Variants in TMTC3 observed in about 807,000 individuals in gnomAD.
The protein encoded by TMTC3 is protein O-mannosyl-transferase TMTC3.
In TMTC3, 52 loss-of-function variants were observed where a neutral mutation model predicts 92.2. The ratio of observed to expected loss-of-function variants is 0.56; its 90% CI spans 0.45 to 0.71. The LOEUF (loss-of-function observed/expected upper bound fraction) is 0.71. Ranked by LOEUF, TMTC3 falls within the 30% of genes least tolerant of loss-of-function variation. The probability of loss-of-function intolerance (pLI) is 0.00; values close to 1 mark genes in which losing one functional copy is unlikely to be tolerated. For synonymous variants in TMTC3, 339 were observed against 363.3 expected, an observed-to-expected ratio of 0.93 and a Z score of 0.76; for missense variants, 896 against 1,057.1, an observed-to-expected ratio of 0.85 and a Z score of 2.11.
At chr12:88,161,519 T>C (rs1447772510) in intron 6 of TMTC3, among the ~76,000 whole-genome samples, 1 of 152,120 alleles carries the variant, frequency 6.6e-6, no homozygotes, top group African/African-American at 2.4e-5. Flanking sequence ...ATCTGACTTT[T>C]AGATGGGATA....
chr12:88,185,044 T>G (rs1008522726), intron 10 of TMTC3, among the ~76,000 whole-genome samples: 17 of 152,276 alleles, frequency 1.1e-4, no homozygotes, highest in African/African-American at 4.1e-4. Flanking sequence ...AAGACATGAT[T>G]GAGTTGTAAT....
chr12:88,192,860 AT>A, intron 13 of TMTC3, 30 bp downstream of exon 13: 1 of 1,560,366 alleles, frequency 6.4e-7, no homozygotes, highest in Non-Finnish European at 8.7e-7. Context: ...TTCTGTTTAT[AT>A]AAATTGTAGT....
At chr12:88,145,630 G>C (rs2040863421) in intron 1 of TMTC3, among the ~76,000 whole-genome samples, 1 of 152,012 alleles carries the variant, frequency 6.6e-6, no homozygotes. Context: ...AAAATCCATT[G>C]GAAGAGAAAA....
Position 88,197,259 on chromosome 12 carries a change from A to ATTTTTTTTTTTTTTTTTTTTTTTTTTTTT in TMTC3, c.*1635_*1636insTTTTTTTTTTTTTTTTTTTTTTTTTTTTT, listed in dbSNP as rs60468231. On this transcript the variant is annotated 3_prime_UTR_variant, in exon 14 of 14. Coordinates refer to ENST00000266712, the MANE Select transcript of TMTC3 (RefSeq NM_181783.4). ...TAGGTTCCCTAAGGATCTGCCATAGATTTTTTTTTTTTTTTTTTTTTTTTT... is the reference window on the plus strand; with the variant it reads ...TAGGTTCCCTAAGGATCTGCCATAGATTTTTTTTTTTTTTTTTTTTTTTTTTTTTTTTTTTTTTTTTTTTTTTTTTTTTT... 1 of 110,576 alleles carries ATTTTTTTTTTTTTTTTTTTTTTTTTTTTT rather than the reference A, an allele frequency of 9.0e-6. No individual in the cohort carries two copies. The highest frequency in any genetic ancestry group is 3.7e-5 in the African/African-American group (1 of 26,886). The allele number at this position is 110,576 out of a possible 1,614,324, so 6.8% of individuals were successfully genotyped here. A position where few individuals can be genotyped will look rare whatever the true frequency, so the allele number is the denominator to read the frequency against.
At chr12:88,185,328 T>C (rs533472207) in intron 10 of TMTC3, among the ~76,000 whole-genome samples, 17 of 152,210 alleles carry the variant, frequency 1.1e-4, no homozygotes, top group African/African-American at 3.9e-4. Context: ...AATTATACTC[T>C]ATGGACTCTC....
chr12:88,172,992 G>C, intron 8 of TMTC3: 1 of 1,401,904 alleles, frequency 7.1e-7, no homozygotes, highest in Non-Finnish European at 9.4e-7. Context: ...CTTTGAGTCA[G>C]ATCCAAATGA....
chr12:88,160,941 G>GT lies in TMTC3; in HGVS notation c.797+96dup, dbSNP rs974868536. The GT allele has an allele frequency of 9.9e-6, 13 of 1,314,890 alleles. No homozygotes were observed. The South Asian group carries it at 1.7e-4, about 17-fold the overall frequency. The allele number at this position is 1,314,890 out of a possible 1,614,324, so 81.5% of individuals were successfully genotyped here. A position where few individuals can be genotyped will look rare whatever the true frequency, so the allele number is the denominator to read the frequency against. ...AATGTTGAAGAAAGTATTTTATTTT[G>GT]TTTTTTAACAGTTTTATTAAGCTAT... On this transcript the variant is annotated intron_variant, in intron 6 of 13. Coordinates refer to ENST00000266712, the MANE Select transcript of TMTC3 (RefSeq NM_181783.4).
intron 13 of TMTC3, among the ~76,000 whole-genome samples, chr12:88,194,231 A>T (rs1565960906): frequency 6.6e-6 from 1 of 152,272 alleles, no homozygotes; most frequent in East Asian, 1.9e-4. Flanking sequence ...CAAAAAAAAG[A>T]AGATACATGT....
intron 7 of TMTC3, among the ~76,000 whole-genome samples, chr12:88,172,196 A>G (rs370019857): frequency 2.0e-5 from 3 of 152,220 alleles, no homozygotes; most frequent in East Asian, 3.9e-4. Context: ...ATGCAAGCAT[A>G]TTCTTTACAG....
In TMTC3 at chr12:88,195,564, C is replaced by G. The variant is rs374068353; in HGVS notation, c.2660C>G (p.Thr887Arg). Residue 887 changes from threonine (T) to arginine (R), a missense_variant, in exon 14 of 14, where the codon ACA (threonine) becomes AGA (arginine). Transcript: ENST00000266712. ...NGDEETPHKT[T>R]KDIKEIEKKR... ...GACGAAGAGACACCCCACAAAACAA[C>G]AAAAGACATCAAAGAAATTGAGAAG... The G allele has an allele frequency of 1.2e-6, 2 of 1,611,764 alleles. No homozygotes were observed. Among genetic ancestry groups the G allele is most frequent in the Non-Finnish European group, 1.7e-6 (2 of 1,179,390 alleles).
intron 4 of TMTC3, among the ~76,000 whole-genome samples, chr12:88,157,088 A>G (rs1381928343): frequency 6.6e-6 from 1 of 151,892 alleles, no homozygotes; most frequent in African/African-American, 2.4e-5. Context: ...CTTTTTCTCC[A>G]TTTTTTGATC....
At chr12:88,185,472 T>C (rs2138430576) in intron 10 of TMTC3, among the ~76,000 whole-genome samples, 1 of 152,258 alleles carries the variant, frequency 6.6e-6, no homozygotes, top group East Asian at 1.9e-4. Flanking sequence ...CACAGTTTGT[T>C]TATCCATTTA....
At position 88,190,435 on chromosome 12, in the gene TMTC3, G is replaced by A. The variant is rs1192690678; in HGVS notation, c.1537-18G>A. ...TACTGAAATATCAAATCATGAAAAT[G>A]CCTTTTCTTCTAAACAGATTATTCC... On this transcript the variant is annotated intron_variant, in intron 11 of 13. Coordinates refer to ENST00000266712, the MANE Select transcript of TMTC3 (RefSeq NM_181783.4). 2 of 1,605,744 alleles carry A rather than the reference G, an allele frequency of 1.2e-6. No homozygotes were observed. The highest frequency in any genetic ancestry group is 1.1e-5 in the South Asian group (1 of 90,498).
Position 88,172,638 on chromosome 12 carries a change from C to T in TMTC3, c.1092C>T (p.Asn364=). 1 of 1,563,738 alleles carries T rather than the reference C, an allele frequency of 6.4e-7. No homozygotes were observed. ...LMALPFIPAS[N]LFFPVGFVVA... ...CATTACCATTTATTCCTGCATCGAACCTTTTTTTTCCAGTTGGATTTGTTG... is the reference window on the plus strand; with the variant it reads ...CATTACCATTTATTCCTGCATCGAATCTTTTTTTTCCAGTTGGATTTGTTG... Residue 364 remains asparagine, a synonymous_variant, in exon 8 of 14, where the codon AAC becomes AAT. Transcript: ENST00000266712.
In TMTC3 at chr12:88,166,509, T is replaced by C; in HGVS notation, c.977T>C (p.Phe326Ser). Residue 326 changes from phenylalanine to serine, a missense_variant, in exon 7 of 14, where the codon TTC becomes TCC. Phe to Ser is a radical substitution (Grantham distance 155, BLOSUM62 -2). Coordinates refer to ENST00000266712, the MANE Select transcript of TMTC3 (RefSeq NM_181783.4). ...ATTCGAAATCTGGCCACATTTACTT[T>C]CTTTTGTTTTCTGGGGATGTTGGGA... ...LDIRNLATFTFFCFLGMLGVF... is the reference protein window; with the variant it reads ...LDIRNLATFTSFCFLGMLGVF... The C allele has an allele frequency of 1.2e-6, 2 of 1,614,034 alleles. No homozygotes were observed.
At chr12:88,152,675 C>A (rs917877312) in intron 2 of TMTC3, among the ~76,000 whole-genome samples, 4 of 152,034 alleles carry the variant, frequency 2.6e-5, no homozygotes, top group African/African-American at 9.7e-5. Flanking sequence ...TTATTTATTA[C>A]CAAAGGAGAA....
rs78860765 is a variant in TMTC3, at chr12:88,168,655, G to C, written c.1050+2073G>C. 2.1e-3 allele frequency among the ~76,000 whole-genome samples: 321 copies of C among 152,280 alleles called. 2 individuals carry two copies. The highest frequency in any genetic ancestry group is 7.4e-3 in the African/African-American group (309 of 41,574). On this transcript the variant is annotated intron_variant, in intron 7 of 13. Transcript: ENST00000266712. ...TATTTATTAAGCTGAAATGTTGATT[G>C]GTTAAGTGGTAGACTTAAGTTGATT...
At chr12:88,160,643 T>C in intron 5 of TMTC3, 36 bp from the exon 6 acceptor site, 1 of 1,584,638 alleles carries the variant, frequency 6.3e-7, no homozygotes, top group South Asian at 1.1e-5. Context: ...AGATATGTCG[T>C]TATTTGTTGC....
At chr12:88,155,729 T>C (rs2041000748) in intron 4 of TMTC3, among the ~76,000 whole-genome samples, 1 of 152,342 alleles carries the variant, frequency 6.6e-6, no homozygotes, top group East Asian at 1.9e-4. Context: ...CACCATATTA[T>C]ATCTTTTGTT....
Sources: gnomAD v4.1 joint callset for allele counts (sites outside exome capture counted in the v4.1 genomes callset) on GRCh38, gnomAD v4.1.1 for gene constraint, MANE v1.5 for transcripts, NCBI Gene and HGNC (gene_info 2026-07-23, HGNC 2026-07-21) for gene names.